Variants in CMIP observed in about 807,000 individuals in gnomAD.
CMIP encodes C-Maf-inducing protein.
Under a neutral mutation model 97.3 loss-of-function variants are expected in CMIP, and 13 were observed. That is an observed-to-expected ratio of 0.13 (90% CI 0.09 to 0.21). The LOEUF (loss-of-function observed/expected upper bound fraction) is 0.21, where lower values mean the gene tolerates loss of function less well. CMIP is among the 10% of genes least tolerant of loss of function. CMIP has a pLI of 1.00. For synonymous variants in CMIP, 538 were observed against 436.3 expected (o/e 1.23, Z -2.91); for missense variants, 847 against 1,024.9 (o/e 0.83, Z 2.37).
intron 1 of CMIP, among the ~76,000 whole-genome samples, chr16:81,482,619 GC>G (rs751491016): frequency 7.2e-5 from 11 of 152,186 alleles, no homozygotes; most frequent in Non-Finnish European, 1.2e-4. Context: ...GGAAGCCCCT[GC>G]CCCTCCCCCA....
chr16:81,460,852 A>G (rs964598011), intron 1 of CMIP, among the ~76,000 whole-genome samples: 3 of 152,214 alleles, frequency 2.0e-5, no homozygotes, highest in Non-Finnish European at 2.9e-5. Flanking sequence ...GATGACGGTG[A>G]TGATGGTAGT....
At chr16:81,598,067 C>T (rs13337864) in intron 1 of CMIP, among the ~76,000 whole-genome samples, 1 of 152,098 alleles carries the variant, frequency 6.6e-6, no homozygotes, top group Non-Finnish European at 1.5e-5. Flanking sequence ...TCGGTTTCCT[C>T]ATCTGTGTGG....
chr16:81,632,163 C>G (rs558528286), intron 3 of CMIP: 22 of 152,346 alleles, frequency 1.4e-4, no homozygotes, highest in African/African-American at 5.3e-4. Context: ...CCCAGAAGAT[C>G]TCCTCGCGCC....
At chr16:81,640,669 G>A (rs1378517429) in intron 3 of CMIP, among the ~76,000 whole-genome samples, 4 of 151,940 alleles carry the variant, frequency 2.6e-5, no homozygotes, top group African/African-American at 9.7e-5. Context: ...GCTTCTGATG[G>A]TGTCCGGCTA....
intron 3 of CMIP, among the ~76,000 whole-genome samples, chr16:81,650,213 C>G (rs2092411594): frequency 1.3e-5 from 2 of 152,230 alleles, no homozygotes. Context: ...TCTCCAATGG[C>G]TGGCAAGTGA....
chr16:81,612,807 G>T (rs557852792), intron 2 of CMIP, among the ~76,000 whole-genome samples: 1 of 152,044 alleles, frequency 6.6e-6, no homozygotes, highest in South Asian at 2.1e-4. Context: ...TGTCTGAATG[G>T]ATTCTCCTCT....
chr16:81,537,124 G>A (rs2090357629), intron 1 of CMIP, among the ~76,000 whole-genome samples: 1 of 152,194 alleles, frequency 6.6e-6, no homozygotes, highest in Admixed American at 6.5e-5. Flanking sequence ...GCAGAACTGG[G>A]CTACAGACTC....
chr16:81,598,072 G>C (rs1025356506), intron 1 of CMIP, among the ~76,000 whole-genome samples: 1 of 152,150 alleles, frequency 6.6e-6, no homozygotes, highest in Non-Finnish European at 1.5e-5. Flanking sequence ...TTCCTCATCT[G>C]TGTGGTTTTT....
intron 5 of CMIP, among the ~76,000 whole-genome samples, chr16:81,659,144 A>G (rs1023588877): frequency 2.0e-5 from 3 of 152,214 alleles, no homozygotes; most frequent in South Asian, 4.1e-4. Context: ...GGCACCCCCA[A>G]TCACTCACCA....
intron 1 of CMIP, among the ~76,000 whole-genome samples, chr16:81,470,993 C>T (rs953298424): frequency 1.3e-5 from 2 of 151,708 alleles, no homozygotes; most frequent in Non-Finnish European, 1.5e-5. Context: ...CGTGCATACA[C>T]ACATGCACAC....
intron 9 of CMIP, among the ~76,000 whole-genome samples, chr16:81,676,392 CA>C (rs1411757922): frequency 6.8e-6 from 1 of 147,096 alleles, no homozygotes; most frequent in African/African-American, 2.5e-5. Flanking sequence ...CAAATGTACA[CA>C]ATGTACTCAC....
intron 1 of CMIP, among the ~76,000 whole-genome samples, chr16:81,525,615 G>C (rs7201103): frequency 0.053 from 8,129 of 152,276 alleles, 251 homozygotes; most frequent in Middle Eastern, 0.085. Context: ...GTAGCTGGGA[G>C]TACAGATGTG....
chr16:81,584,326 A>T (rs2091345232), intron 1 of CMIP, among the ~76,000 whole-genome samples: 1 of 152,202 alleles, frequency 6.6e-6, no homozygotes, highest in Admixed American at 6.5e-5. Context: ...AAGTACTTCG[A>T]TGTCCTCCAG....
Position 81,614,668 on chromosome 16 carries a change from T to G in CMIP, c.427-6208T>G, listed in dbSNP as rs1292040847. ...GGACTGTGGTGTGTGTGTATGTATG[T>G]CTGTATGGTTTATGTGTGTGTGTGT... On this transcript the variant is annotated intron_variant, in intron 2 of 20. Coordinates refer to ENST00000537098, the MANE Select transcript of CMIP (RefSeq NM_198390.3). The surrounding 1 kb of genome is among the most constrained non-coding windows in gnomAD (Gnocchi z 5.3). Among the ~76,000 whole-genome samples the G allele has an allele frequency of 6.6e-6, 1 of 150,798 alleles. No homozygotes were observed.
At chr16:81,665,780 C>G (rs1362630156) in intron 7 of CMIP, 1 of 152,252 alleles carries the variant, frequency 6.6e-6, no homozygotes, top group Non-Finnish European at 1.5e-5. Flanking sequence ...TCCTCTACCC[C>G]TTCCATGCTC....
chr16:81,525,238 G>GGTT, intron 1 of CMIP, among the ~76,000 whole-genome samples: 1 of 152,232 alleles, frequency 6.6e-6, no homozygotes, highest in Non-Finnish European at 1.5e-5. Context: ...CCATCTCCCA[G>GGTT]GTTGAAGCGA....
intron 1 of CMIP, among the ~76,000 whole-genome samples, chr16:81,546,291 C>T (rs552194486): frequency 6.6e-6 from 1 of 152,252 alleles, no homozygotes; most frequent in East Asian, 1.9e-4. Context: ...AGGAAGAAGG[C>T]ATGGAGAAGG....
intron 1 of CMIP, among the ~76,000 whole-genome samples, chr16:81,597,833 C>T (rs1323025810): frequency 1.3e-5 from 2 of 152,104 alleles, no homozygotes; most frequent in East Asian, 3.9e-4. Context: ...CTCTCACCAG[C>T]CATCTTCAGG....
At chr16:81,484,439 C>T (rs1184420723) in intron 1 of CMIP, among the ~76,000 whole-genome samples, 3 of 152,142 alleles carry the variant, frequency 2.0e-5, no homozygotes, top group Admixed American at 6.5e-5. Flanking sequence ...GGTTGGGCGC[C>T]GAACGCAGGG....
Sources: gnomAD v4.1 joint callset for allele counts (sites outside exome capture counted in the v4.1 genomes callset) on GRCh38, gnomAD v4.1.1 for gene constraint, Gnocchi (gnomAD v3.1) non-coding constraint, MANE v1.5 for transcripts, NCBI Gene and HGNC (gene_info 2026-07-23, HGNC 2026-07-21) for gene names.